The following FRMD6 variants were observed in gnomAD, a reference collection of about 807,000 sequenced individuals.
The protein encoded by FRMD6 is FERM domain-containing protein 6.
In FRMD6, 37 loss-of-function variants were observed where a neutral mutation model predicts 73.2. The observed-to-expected ratio is 0.51, with a 90% CI of 0.39 to 0.66. The LOEUF is 0.66. Ranked by LOEUF, FRMD6 falls within the 30% of genes least tolerant of loss-of-function variation. The probability of loss-of-function intolerance (pLI) is 0.00; values close to 1 mark genes in which losing one functional copy is unlikely to be tolerated. For missense variants in FRMD6, 714 were observed against 780.5 expected (o/e 0.91, Z 1.02); for synonymous variants, 273 against 282.2 (o/e 0.97, Z 0.33).
At chr14:51,544,617 AT>A (rs1001966094) in intron 1 of FRMD6, among the ~76,000 whole-genome samples, 2 of 151,174 alleles carry the variant, frequency 1.3e-5, no homozygotes, top group African/African-American at 4.9e-5. Context: ...TTTCATGTCT[AT>A]TATCTAGTGA....
chr14:51,667,692 C>T (rs1178071690), intron 1 of FRMD6, among the ~76,000 whole-genome samples: 2 of 152,088 alleles, frequency 1.3e-5, no homozygotes, highest in African/African-American at 4.8e-5. Flanking sequence ...AAGGGTTTTA[C>T]TTCAAAGAAA....
chr14:51,418,976 C>T, the FRMD6 span, among the ~76,000 whole-genome samples: 1 of 152,162 alleles, frequency 6.6e-6, no homozygotes, highest in Admixed American at 6.5e-5. Context: ...GGCTTGGGAT[C>T]CACCAAGCCA....
chr14:51,634,898 G>A (rs1415129012), intron 2 of FRMD6, among the ~76,000 whole-genome samples: 2 of 152,128 alleles, frequency 1.3e-5, no homozygotes, highest in East Asian at 3.9e-4. Context: ...GTCTAAAATA[G>A]AGTCAATTTT....
chr14:51,488,795 T>C (rs1472997894), upstream of FRMD6, among the ~76,000 whole-genome samples: 1 of 152,262 alleles, frequency 6.6e-6, no homozygotes, highest in Admixed American at 6.5e-5. Context: ...CTGATCTATT[T>C]GAACGAAGTT....
intron 1 of FRMD6, among the ~76,000 whole-genome samples, chr14:51,563,769 G>A (rs1306903261): frequency 6.6e-6 from 1 of 152,132 alleles, no homozygotes; most frequent in Non-Finnish European, 1.5e-5. Context: ...GTATACAGAA[G>A]GTCTATGATT....
chr14:51,490,987 A>G (rs1267054450), intron 1 of FRMD6, among the ~76,000 whole-genome samples: 1 of 152,158 alleles, frequency 6.6e-6, no homozygotes, highest in Non-Finnish European at 1.5e-5. Flanking sequence ...GACTAAGGGC[A>G]GGCTCTAAGG....
chr14:51,529,236 T>G (rs539540514), intron 1 of FRMD6, among the ~76,000 whole-genome samples: 1 of 152,364 alleles, frequency 6.6e-6, no homozygotes, highest in Non-Finnish European at 1.5e-5. Context: ...TAGTTGTACT[T>G]CTTACTAACT....
chr14:51,467,081 G>A, the FRMD6 span, among the ~76,000 whole-genome samples: 1 of 152,104 alleles, frequency 6.6e-6, no homozygotes, highest in Non-Finnish European at 1.5e-5. Flanking sequence ...TGTGAACAAA[G>A]GTCTCTGGTT....
chr14:51,507,100 AC>A (rs1259697382), intron 1 of FRMD6, among the ~76,000 whole-genome samples: 9 of 107,644 alleles, frequency 8.4e-5, no homozygotes, highest in African/African-American at 1.3e-4. Context: ...ACACACACAC[AC>A]ACACACACAC....
chr14:51,585,325 C>T (rs565228708), intron 2 of FRMD6, among the ~76,000 whole-genome samples: 2 of 152,232 alleles, frequency 1.3e-5, no homozygotes, highest in South Asian at 2.1e-4. Flanking sequence ...TAAATTTGTC[C>T]CAGCGGAGGG....
chr14:51,495,468 G>A (rs1883241210), intron 1 of FRMD6, among the ~76,000 whole-genome samples: 2 of 152,202 alleles, frequency 1.3e-5, no homozygotes, highest in Admixed American at 1.3e-4. Flanking sequence ...CAAATAGAAT[G>A]ACAAATTTTA....
intron 1 of FRMD6, among the ~76,000 whole-genome samples, chr14:51,564,410 A>T (rs1887663491): frequency 6.6e-6 from 1 of 152,132 alleles, no homozygotes; most frequent in African/African-American, 2.4e-5. Flanking sequence ...CTTTTTTAAA[A>T]GTTTTAAATG....
At chr14:51,636,799 CGTGAG>C (rs1440732069) in intron 2 of FRMD6, among the ~76,000 whole-genome samples, 1 of 151,886 alleles carries the variant, frequency 6.6e-6, no homozygotes, top group Non-Finnish European at 1.5e-5. Flanking sequence ...AGAGGGGTGA[CGTGAG>C]GGGAGAAGCA....
intron 9 of FRMD6, 38 bp from the exon 10 acceptor site, chr14:51,715,287 T>A (rs1282871600): frequency 6.9e-7 from 1 of 1,441,618 alleles, no homozygotes; most frequent in South Asian, 1.6e-5. Flanking sequence ...AATCAGAGAT[T>A]TTTCTTCCTG....
At chr14:51,686,879 A>G (rs1218983766) in intron 1 of FRMD6, among the ~76,000 whole-genome samples, 1 of 152,150 alleles carries the variant, frequency 6.6e-6, no homozygotes, top group Non-Finnish European at 1.5e-5. Flanking sequence ...ACTGGTGCAT[A>G]TTAGAGATAT....
At chr14:51,508,143 C>A (rs963480446) in intron 1 of FRMD6, among the ~76,000 whole-genome samples, 5 of 152,154 alleles carry the variant, frequency 3.3e-5, no homozygotes, top group African/African-American at 1.2e-4. Context: ...GCAATGAGCA[C>A]CCCCCAGCCT....
chr14:51,436,978 AT>A, the FRMD6 span: 1 of 873,368 alleles, frequency 1.1e-6, no homozygotes, highest in South Asian at 1.4e-5. Context: ...ACACTGATGG[AT>A]TCCAACCTTC....
At chr14:51,705,059 C>T in intron 6 of FRMD6, 124 bp downstream of exon 6, 1 of 773,564 alleles carries the variant, frequency 1.3e-6, no homozygotes. Context: ...CTTTGTGATG[C>T]CCAGATATTT....
chr14:51,691,328 A>T (rs1000788822), intron 2 of FRMD6, among the ~76,000 whole-genome samples: 2 of 152,144 alleles, frequency 1.3e-5, no homozygotes, highest in Non-Finnish European at 2.9e-5. Flanking sequence ...CACATGTAGA[A>T]ATATTTCTTG....
Sources: gnomAD v4.1 joint callset for allele counts (sites outside exome capture counted in the v4.1 genomes callset) on GRCh38, gnomAD v4.1.1 for gene constraint, MANE v1.5 for transcripts, NCBI Gene and HGNC (gene_info 2026-07-23, HGNC 2026-07-21) for gene names.